The following FAM120AOS variants were observed in gnomAD, a reference collection of about 807,000 sequenced individuals.
FAM120AOS encodes the protein uncharacterized protein FAM120AOS.
In FAM120AOS, 15 loss-of-function variants were observed where a neutral mutation model predicts 20.2. The ratio of observed to expected loss-of-function variants is 0.74; its 90% CI spans 0.50 to 1.15. The LOEUF is 1.15. Ranked by LOEUF, FAM120AOS falls within the 50% of genes most tolerant of loss-of-function variation. The probability of loss-of-function intolerance (pLI) is 0.00; values close to 1 mark genes in which losing one functional copy is unlikely to be tolerated. For synonymous variants in FAM120AOS, 154 were observed against 154.0 expected, an observed-to-expected ratio of 1.00 and a Z score of 0.00; for missense variants, 327 against 351.9, an observed-to-expected ratio of 0.93 and a Z score of 0.57.
In FAM120AOS at chr9:93,453,524, A is replaced by G; in HGVS notation, c.-815T>C. The stretch of plus-strand genomic sequence containing the variant: ...AAACTGCTGGAGCTGAAAGTTTGTG[A>G]AATTCTGTCTTCGCGGTTGCCCCCA... On this transcript the variant is annotated 5_prime_UTR_variant, in exon 1 of 3. Coordinates refer to ENST00000375412, the MANE Select transcript of FAM120AOS (RefSeq NM_198841.4). 1.0e-6 allele frequency: 1 copy of G among 985,402 alleles called. No homozygotes were observed. Among genetic ancestry groups the G allele is most frequent in the Non-Finnish European group, 1.2e-6 (1 of 829,930 alleles). The allele number at this position is 985,402 out of a possible 1,614,324, so 61.0% of individuals were successfully genotyped here. A position where few individuals can be genotyped will look rare whatever the true frequency, so the allele number is the denominator to read the frequency against.
chr9:93,450,589 TAC>T lies in FAM120AOS; in HGVS notation c.572_573del (p.Cys191Ter). The T allele has an allele frequency of 6.2e-7, 1 of 1,606,662 alleles. No homozygotes were observed. The highest frequency in any genetic ancestry group is 8.5e-7 in the Non-Finnish European group (1 of 1,176,918). On this transcript the variant is annotated frameshift_variant, in exon 2 of 3. Coordinates refer to ENST00000375412, the MANE Select transcript of FAM120AOS (RefSeq NM_198841.4). LOFTEE classifies it high-confidence loss of function. The stretch of plus-strand genomic sequence containing the variant: ...GCCTGTCGGTTGCATCCTGCTCCTC[TAC>T]AGAGGTTTCTCCAAAAAAAGAACAA... ...QALASAARNL[C>X]RGAGCNRQAV...
chr9:93,451,281 G>A (rs1327345534), intron 1 of FAM120AOS: 2 of 1,473,324 alleles, frequency 1.4e-6, no homozygotes, highest in African/African-American at 1.4e-5. Context: ...CCTTCAAAGC[G>A]CCATCTTATC....
Position 93,453,159 on chromosome 9 carries a change from G to C in FAM120AOS, c.-450C>G. ...ATGCGAAAGGAGTCGCTCAAAATCA[G>C]GGGGCGAACTACGCGGGCGTGAACT... On this transcript the variant is annotated 5_prime_UTR_variant, in exon 1 of 3. Coordinates refer to ENST00000375412, the MANE Select transcript of FAM120AOS (RefSeq NM_198841.4). The C allele has an allele frequency of 1.0e-6, 1 of 1,003,060 alleles. No individual in the cohort carries two copies. The highest frequency in any genetic ancestry group is 1.2e-6 in the Non-Finnish European group (1 of 841,886). 62.1% of individuals were successfully genotyped at this position (1,003,060 alleles called of 1,614,324 possible).
intron 2 of FAM120AOS, among the ~76,000 whole-genome samples, chr9:93,449,765 C>T (rs1279567704): frequency 2.0e-5 from 3 of 151,926 alleles, no homozygotes; most frequent in African/African-American, 7.3e-5. Context: ...GGATTACAGG[C>T]GTGAGCCACC....
At chr9:93,448,901 G>C (rs1856964003) in intron 2 of FAM120AOS, among the ~76,000 whole-genome samples, 1 of 152,122 alleles carries the variant, frequency 6.6e-6, no homozygotes, top group Non-Finnish European at 1.5e-5. Context: ...GGGATTACAG[G>C]CGTGAGCCAC....
chr9:93,447,612 C>A lies in FAM120AOS; in HGVS notation c.770G>T (p.Ter257LeuextTer48). 1 of 1,613,132 alleles carries A rather than the reference C, an allele frequency of 6.2e-7. No homozygotes were observed. Among genetic ancestry groups the A allele is most frequent in the Non-Finnish European group, 8.5e-7 (1 of 1,179,622 alleles). Residue 257 changes from the stop codon to leucine, a stop_lost, in exon 3 of 3, where the codon TGA becomes TTA. Transcript: ENST00000375412. ...TCTGCAGAACTTGACCCTAGTTTTT[C>A]AAATTGGACTCAAGAATGATCTTAG... Reference protein sequence around the residue: ...PTLRSFLSPI* With the variant: ...PTLRSFLSPIL
rs868807609 is a variant in FAM120AOS, at chr9:93,444,250, G to A, written c.*3361C>T. Reference sequence around the variant, plus strand: ...AGACAGGGTTTCTCCATGTTGGTCAGGCTGGTCTTGAACTCCTGACTTCAG... The same window carrying A: ...AGACAGGGTTTCTCCATGTTGGTCAAGCTGGTCTTGAACTCCTGACTTCAG... On this transcript the variant is annotated 3_prime_UTR_variant, in exon 3 of 3. Transcript: ENST00000375412. 6.6e-6 allele frequency among the ~76,000 whole-genome samples: 1 copy of A among 152,096 alleles called. No homozygotes were observed. The highest frequency in any genetic ancestry group is 1.5e-5 in the Non-Finnish European group (1 of 68,016).
rs1037708743 is a variant in FAM120AOS at position 93,446,001 on chromosome 9, A to T, written c.*1610T>A. On this transcript the variant is annotated 3_prime_UTR_variant, in exon 3 of 3. Coordinates refer to ENST00000375412, the MANE Select transcript of FAM120AOS (RefSeq NM_198841.4). ...GGATGTCTCAGATCCCTCAGCTCCC[A>T]GATTGGGCCAACTCTCCTTATACCA... 8.5e-5 allele frequency among the ~76,000 whole-genome samples: 13 copies of T among 152,050 alleles called. No homozygotes were observed. Among genetic ancestry groups the T allele is most frequent in the African/African-American group, 2.4e-4 (10 of 41,390 alleles).
At position 93,447,641 on chromosome 9, in the gene FAM120AOS, T is replaced by C. The variant is rs1171851050; in HGVS notation, c.741A>G (p.Pro247=). ...TTGGACTCAAGAATGATCTTAGTGT[T>C]GGTGGTTTTGTGGTTTTCTTTGAGA... is the stretch of plus-strand genomic sequence containing the variant. The part of the protein sequence containing the change: ...NKVSKKTTKP[P]TLRSFLSPI Residue 247 remains proline (P), a synonymous_variant, in exon 3 of 3, where the codon CCA becomes CCG. Coordinates refer to ENST00000375412, the MANE Select transcript of FAM120AOS (RefSeq NM_198841.4). 4.3e-6 allele frequency: 7 copies of C among 1,614,092 alleles called. No homozygotes were observed. The highest frequency in any genetic ancestry group is 5.9e-6 in the Non-Finnish European group (7 of 1,179,982).
At chr9:93,451,295 G>GA in intron 1 of FAM120AOS, 1 of 1,465,116 alleles carries the variant, frequency 6.8e-7, no homozygotes, top group African/African-American at 1.4e-5. Context: ...TCTTATCGCT[G>GA]CTTCCCTCAG....
chr9:93,449,770 G>A (rs1321882835), intron 2 of FAM120AOS, among the ~76,000 whole-genome samples: 1 of 151,466 alleles, frequency 6.6e-6, no homozygotes, highest in Non-Finnish European at 1.5e-5. Flanking sequence ...ACAGGCGTGA[G>A]CCACCACGCC....
Position 93,447,329 on chromosome 9 carries a change from C to CCCAGTAT in FAM120AOS, c.*275_*281dup. On this transcript the variant is annotated 3_prime_UTR_variant, in exon 3 of 3. Transcript: ENST00000375412. ...CCATATCCCCAGTAGCTGGCCAATG[C>CCCAGTAT]CCAGTATACACCAGGGGCTCAGTCG... is the stretch of plus-strand genomic sequence containing the variant. 2.9e-6 allele frequency: 1 copy of CCCAGTAT among 348,358 alleles called. No individual in the cohort carries two copies. Among genetic ancestry groups the CCCAGTAT allele is most frequent in the Non-Finnish European group, 5.3e-6 (1 of 188,574 alleles). 21.6% of individuals were successfully genotyped at this position (348,358 alleles called of 1,614,324 possible).
At chr9:93,451,014 G>A (rs747593409) in intron 1 of FAM120AOS, 61 of 1,543,154 alleles carry the variant, frequency 4.0e-5, no homozygotes, top group Non-Finnish European at 5.3e-5. Flanking sequence ...CAGACATTAT[G>A]GTGTGTTTGG....
In FAM120AOS at chr9:93,443,711, G is replaced by A. The variant is rs184059774; in HGVS notation, c.*3900C>T. Among the ~76,000 whole-genome samples, 7 of 152,286 alleles carry A rather than the reference G, an allele frequency of 4.6e-5. No homozygotes were observed. The highest frequency in any genetic ancestry group is 3.9e-4 in the Admixed American group (6 of 15,302). On this transcript the variant is annotated 3_prime_UTR_variant, in exon 3 of 3. Transcript: ENST00000375412. ...TGCCTGGGCTCTGTCTCTTGTATGTGCAGCTCTGGGCTGAGCACGGAATTC... is the reference window on the plus strand; with the variant it reads ...TGCCTGGGCTCTGTCTCTTGTATGTACAGCTCTGGGCTGAGCACGGAATTC...
intron 2 of FAM120AOS, 64 bp from the exon 3 acceptor site, chr9:93,447,761 G>C: frequency 7.2e-7 from 1 of 1,393,892 alleles, no homozygotes; most frequent in Non-Finnish European, 1.0e-6. Flanking sequence ...ATTTTGTCAT[G>C]GTCTCCAGAG....
At position 93,452,317 on chromosome 9, in the gene FAM120AOS, A is replaced by C; in HGVS notation, c.393T>G (p.Phe131Leu). ...TCCAGAACAAGGGCACCCCGCCGCC[A>C]AAGGTCTGGTTCCTGCCGCCCGTCT... ...AMQTGGRNQT[F>L]GGGVPLFWTW... Residue 131 changes from phenylalanine (F) to leucine (L), a missense_variant, in exon 1 of 3, where the codon TTT (phenylalanine) becomes TTG (leucine). By Grantham distance (22) the Phe-to-Leu change is conservative. Coordinates refer to ENST00000375412, the MANE Select transcript of FAM120AOS (RefSeq NM_198841.4). The surrounding 1 kb of genome is among the most constrained non-coding windows in gnomAD (Gnocchi z 7.0). 1 of 1,612,958 alleles carries C rather than the reference A, an allele frequency of 6.2e-7. No individual in the cohort carries two copies. The highest frequency in any genetic ancestry group is 2.2e-5 in the East Asian group (1 of 44,864).
Position 93,446,248 on chromosome 9 carries a change from G to T in FAM120AOS, c.*1363C>A, listed in dbSNP as rs929373656. 6.6e-6 allele frequency among the ~76,000 whole-genome samples: 1 copy of T among 152,178 alleles called. No homozygotes were observed. Among genetic ancestry groups the T allele is most frequent in the African/African-American group, 2.4e-5 (1 of 41,440 alleles). On this transcript the variant is annotated 3_prime_UTR_variant, in exon 3 of 3. Transcript: ENST00000375412. ...CTTAGCTGTTTCCAGAAGGGTGATT[G>T]TGTGCTCCCACCTATATCTGAGGTC...
In FAM120AOS at chr9:93,452,009, G is replaced by C. The variant is rs936964515; in HGVS notation, c.563+138C>G. ...GCAGAAGCTGGCCCGGGGCAGCCTG[G>C]TGGGCGGCGGGCGGCAGCGGCCCCC... On this transcript the variant is annotated intron_variant, in intron 1 of 2. Transcript: ENST00000375412. The surrounding 1 kb of genome is among the most constrained non-coding windows in gnomAD (Gnocchi z 7.0). The C allele has an allele frequency of 6.4e-7, 1 of 1,555,240 alleles. No individual in the cohort carries two copies. The highest frequency in any genetic ancestry group is 2.0e-5 in the Admixed American group (1 of 51,120).
At position 93,451,452 on chromosome 9, in the gene FAM120AOS, G is replaced by A; in HGVS notation, c.563+695C>T. ...CCGACCGGCCTGAGGCGGGCGAACG[G>A]CCTCTGGCCTCCAGGCGCTGCCTGC... is the stretch of plus-strand genomic sequence containing the variant. On this transcript the variant is annotated intron_variant, in intron 1 of 2. Transcript: ENST00000375412. The A allele has an allele frequency of 7.7e-6, 9 of 1,170,428 alleles. No homozygotes were observed. The South Asian group carries it at 2.4e-4, about 31-fold the overall frequency. The allele number at this position is 1,170,428 out of a possible 1,614,324, so 72.5% of individuals were successfully genotyped here.
Sources: allele counts gnomAD v4.1 joint callset (sites outside exome capture counted in the v4.1 genomes callset), GRCh38; gene constraint gnomAD v4.1.1; non-coding constraint Gnocchi (gnomAD v3.1); transcripts MANE v1.5; gene names NCBI Gene and HGNC (gene_info 2026-07-23, HGNC 2026-07-21).